The following TTC7B variants were observed in gnomAD, a reference collection of about 807,000 sequenced individuals.
The protein encoded by TTC7B is tetratricopeptide repeat protein 7B.
A neutral mutation model predicts 106.8 loss-of-function variants in TTC7B; 28 were observed. The ratio of observed to expected loss-of-function variants is 0.26; its 90% confidence interval spans 0.19 to 0.36. The LOEUF is 0.36. TTC7B is among the 10% of genes least tolerant of loss of function. The pLI is 1.00. For missense variants in TTC7B, 862 were observed against 1,076.4 expected, an observed-to-expected ratio of 0.80 and a Z score of 2.79; for synonymous variants, 405 against 430.6, an observed-to-expected ratio of 0.94 and a Z score of 0.74.
In TTC7B at chr14:90,541,200, G is replaced by A. The variant is rs1670492833; in HGVS notation, c.*168C>T. 3 of 534,290 alleles carry A rather than the reference G, an allele frequency of 5.6e-6. No individual in the cohort carries two copies. The highest frequency in any genetic ancestry group is 3.8e-5 in the African/African-American group (2 of 52,668). The allele number at this position is 534,290 out of a possible 1,614,324, so 33.1% of individuals were successfully genotyped here. On this transcript the variant is annotated 3_prime_UTR_variant, in exon 20 of 20. Transcript: ENST00000328459. Reference sequence around the variant, plus strand: ...CAAAAAAAACAAGAGAAACGCACATGGCGAGAGCGATGATTCGGGGTTGGT... The same window carrying A: ...CAAAAAAAACAAGAGAAACGCACATAGCGAGAGCGATGATTCGGGGTTGGT...
chr14:90,701,542 T>C (rs1199756472), intron 5 of TTC7B, among the ~76,000 whole-genome samples: 1 of 151,948 alleles, frequency 6.6e-6, no homozygotes, highest in Non-Finnish European at 1.5e-5. Flanking sequence ...GAAGAGCAAC[T>C]CGCCTGCCCT....
chr14:90,776,821 C>A (rs552379798), intron 3 of TTC7B, among the ~76,000 whole-genome samples: 1 of 152,292 alleles, frequency 6.6e-6, no homozygotes, highest in East Asian at 1.9e-4. Flanking sequence ...GAGGTCAAGT[C>A]CTGGCTCAAC....
intron 4 of TTC7B, among the ~76,000 whole-genome samples, chr14:90,740,715 T>C (rs1889727835): frequency 1.3e-5 from 2 of 152,092 alleles, no homozygotes; most frequent in African/African-American, 4.8e-5. Context: ...TTGGCCAGGC[T>C]GGTCTCGAAC....
intron 18 of TTC7B, among the ~76,000 whole-genome samples, chr14:90,583,646 A>G (rs894047694): frequency 2.6e-5 from 4 of 151,962 alleles, no homozygotes; most frequent in African/African-American, 7.3e-5. Context: ...CTGGAAGGTC[A>G]CTCTCTGAAG....
rs1032899012 is a variant in TTC7B, at chr14:90,748,478, C to G, written c.446-3556G>C. On this transcript the variant is annotated intron_variant, in intron 3 of 19. Transcript: ENST00000328459. ...CAGTAGCTGGGACTACAGGTGCACA[C>G]CACCACACATGGCTAATTTTTTTTT... Among the ~76,000 whole-genome samples the G allele has an allele frequency of 2.0e-5, 3 of 152,042 alleles. 1 individual carries two copies. Among genetic ancestry groups the G allele is most frequent in the Non-Finnish European group, 2.9e-5 (2 of 67,992 alleles).
intron 15 of TTC7B, among the ~76,000 whole-genome samples, chr14:90,629,603 G>T (rs1489109562): frequency 3.9e-5 from 6 of 152,208 alleles, no homozygotes; most frequent in Admixed American, 3.9e-4. Flanking sequence ...GGAGCCAGAG[G>T]TTTCCAGGAA....
In TTC7B at chr14:90,619,148, C is replaced by G. The variant is rs111677446; in HGVS notation, c.1752-1103G>C. ...TGAGCTCCTGACCTCGTGATCCTCC[C>G]AAAGTGCTGGGATTATAGGCATGAG... On this transcript the variant is annotated intron_variant, in intron 15 of 19. Coordinates refer to ENST00000328459, the MANE Select transcript of TTC7B (RefSeq NM_001010854.2). Among the ~76,000 whole-genome samples, 1,076 of 152,346 alleles carry G rather than the reference C, an allele frequency of 7.1e-3. 15 individuals are homozygous for G. The highest frequency in any genetic ancestry group is 0.025 in the African/African-American group (1,051 of 41,574).
At chr14:90,641,864 A>G (rs1020100755) in intron 15 of TTC7B, among the ~76,000 whole-genome samples, 2 of 152,086 alleles carry the variant, frequency 1.3e-5, no homozygotes, top group Admixed American at 1.3e-4. Context: ...CTTGGATGAC[A>G]CCCTAGGCTA....
intron 3 of TTC7B, among the ~76,000 whole-genome samples, chr14:90,765,578 C>T (rs1013074284): frequency 6.6e-6 from 1 of 152,166 alleles, no homozygotes; most frequent in African/African-American, 2.4e-5. Context: ...AACTATTGTA[C>T]TGGCACAATC....
intron 9 of TTC7B, among the ~76,000 whole-genome samples, chr14:90,664,239 T>TAAATATTAAA (rs1886321089): frequency 6.6e-6 from 1 of 152,166 alleles, no homozygotes; most frequent in Admixed American, 6.5e-5. Context: ...ATGGAGAACA[T>TAAATATTAAA]AAAATAAAAG....
intron 18 of TTC7B, among the ~76,000 whole-genome samples, chr14:90,593,277 G>T (rs192662480): frequency 9.8e-4 from 150 of 152,354 alleles, no homozygotes; most frequent in African/African-American, 3.3e-3. Context: ...ACCGAGGCAG[G>T]GGAGAGGGAT....
chr14:90,599,152 AAGAG>A (rs1466362990), intron 17 of TTC7B, among the ~76,000 whole-genome samples: 14 of 152,152 alleles, frequency 9.2e-5, no homozygotes, highest in East Asian at 1.9e-4. Flanking sequence ...CAAACAAAAA[AAGAG>A]AAGAAAAAGA....
At chr14:90,643,177 G>A (rs1885258266) in intron 15 of TTC7B, among the ~76,000 whole-genome samples, 1 of 152,130 alleles carries the variant, frequency 6.6e-6, no homozygotes, top group Non-Finnish European at 1.5e-5. Flanking sequence ...GGGAGACCAA[G>A]GAGGGCAGAT....
chr14:90,728,977 T>G (rs1272074568), intron 5 of TTC7B, among the ~76,000 whole-genome samples: 2 of 152,234 alleles, frequency 1.3e-5, no homozygotes, highest in African/African-American at 4.8e-5. Context: ...CGTGCACCGT[T>G]GCTCAAATGA....
At chr14:90,616,525 G>T (rs1318004390) in intron 16 of TTC7B, among the ~76,000 whole-genome samples, 1 of 150,124 alleles carries the variant, frequency 6.7e-6, no homozygotes, top group Non-Finnish European at 1.5e-5. Flanking sequence ...GGAGGTGGGG[G>T]CTGGGGCTGC....
At chr14:90,745,866 G>A (rs1889950825) in intron 3 of TTC7B, among the ~76,000 whole-genome samples, 2 of 151,544 alleles carry the variant, frequency 1.3e-5, no homozygotes, top group South Asian at 4.2e-4. Flanking sequence ...CACCACACCT[G>A]GCCAATTTTT....
rs1329090082 is a variant in TTC7B at position 90,538,419 on chromosome 14, G to C, written c.*2949C>G. On this transcript the variant is annotated 3_prime_UTR_variant, in exon 20 of 20. Coordinates refer to ENST00000328459, the MANE Select transcript of TTC7B (RefSeq NM_001010854.2). The stretch of plus-strand genomic sequence containing the variant: ...CAGAGCCATGAGAGGGCTTGGGGAA[G>C]GAGAGGCAGCCAGGCACACAGGGGG... The C allele has an allele frequency of 6.6e-6, 1 of 152,558 alleles. No individual in the cohort carries two copies. Among genetic ancestry groups the C allele is most frequent in the East Asian group, 1.9e-4 (1 of 5,196 alleles). The allele number at this position is 152,558 out of a possible 1,614,324, so 9.5% of individuals were successfully genotyped here.
intron 15 of TTC7B, among the ~76,000 whole-genome samples, chr14:90,635,557 G>C (rs1244176642): frequency 6.6e-6 from 1 of 150,620 alleles, no homozygotes; most frequent in Admixed American, 6.6e-5. Flanking sequence ...TCAGGAGATC[G>C]AGACCATCCT....
At chr14:90,566,338 C>A (rs1890797495) in intron 19 of TTC7B, among the ~76,000 whole-genome samples, 1 of 150,932 alleles carries the variant, frequency 6.6e-6, no homozygotes, top group East Asian at 1.9e-4. Flanking sequence ...AAGTGAAACT[C>A]TATCTCCAAA....
Sources: allele counts gnomAD v4.1 joint callset (sites outside exome capture counted in the v4.1 genomes callset), GRCh38; gene constraint gnomAD v4.1.1; transcripts MANE v1.5; gene names NCBI Gene and HGNC (gene_info 2026-07-23, HGNC 2026-07-21).